The following MKKS variants were observed in gnomAD, a reference collection of about 807,000 sequenced individuals.
The protein encoded by MKKS is molecular chaperone MKKS.
MKKS carries 29 observed loss-of-function variants against 33.2 expected under a neutral mutation model. The ratio of observed to expected loss-of-function variants is 0.87; its 90% CI spans 0.65 to 1.19. The LOEUF (loss-of-function observed/expected upper bound fraction) is 1.19. MKKS is among the 50% of genes most tolerant of loss of function. The probability of loss-of-function intolerance (pLI) is 0.00; values close to 1 mark genes in which losing one functional copy is unlikely to be tolerated. For synonymous variants in MKKS, 260 were observed against 244.0 expected, an observed-to-expected ratio of 1.07 and a Z score of -0.61; for missense variants, 661 against 662.3, an observed-to-expected ratio of 1.00 and a Z score of 0.02.
chr20:10,416,264 A>G (rs561204806), intron 2 of MKKS, among the ~76,000 whole-genome samples: 2 of 152,316 alleles, frequency 1.3e-5, no homozygotes, highest in African/African-American at 2.4e-5. Flanking sequence ...GAAAATACAA[A>G]CAGGTGAAAG....
Position 10,412,887 on chromosome 20 carries a change from T to A in MKKS, c.628A>T (p.Ile210Leu). 2 of 1,614,118 alleles carry A rather than the reference T, an allele frequency of 1.2e-6. No homozygotes were observed. Among genetic ancestry groups the A allele is most frequent in the Non-Finnish European group, 8.5e-7 (1 of 1,179,978 alleles). The change falls in exon 3 of 6, where the codon ATA becomes TTA. Residue 210 changes from isoleucine to leucine, a missense_variant. By Grantham distance (5) the Ile-to-Leu change is conservative. Coordinates refer to ENST00000347364, the MANE Select transcript of MKKS (RefSeq NM_170784.3). ...LIVPLKGQRV[I>L]DSTVLPGILI... ...ATCCCAGGTAATACAGTGGAATCTA[T>A]AACTCTTTGACCTTTTAAAGGTACA...
chr20:10,427,047 C>CACACACACAG (rs1568673339), intron 1 of MKKS, among the ~76,000 whole-genome samples: 1 of 137,984 alleles, frequency 7.2e-6, no homozygotes, highest in African/African-American at 2.6e-5. Context: ...CACACACACA[C>CACACACACAG]ACACACACAC....
At position 10,412,762 on chromosome 20, in the gene MKKS, G is replaced by C. The variant is rs749615226; in HGVS notation, c.753C>G (p.Asp251Glu). 6.2e-7 allele frequency: 1 copy of C among 1,614,160 alleles called. No homozygotes were observed. The highest frequency in any genetic ancestry group is 1.7e-5 in the Admixed American group (1 of 60,016). Residue 251 changes from aspartate (D) to glutamate (E), a missense_variant, in exon 3 of 6, where the codon GAC (aspartate) becomes GAG (glutamate). Physicochemically the swap from Asp to Glu is conservative, Grantham distance 45. Transcript: ENST00000347364. ...VALFCTTLSG[D>E]TSDTGEGTVV... is the part of the protein sequence containing the mutation. Reference sequence around the variant, plus strand: ...CAGTTCCTTCTCCAGTGTCAGAAGTGTCTCCGGATAAAGTTGTACAAAAGA... The same window carrying C: ...CAGTTCCTTCTCCAGTGTCAGAAGTCTCTCCGGATAAAGTTGTACAAAAGA...
rs2064812070 is a variant in MKKS at position 10,401,533 on chromosome 20, CCTAA to C, written c.*3710_*3713del. ...CCCAAAGATTATCAGGAAGGAATAA[CCTAA>C]CTAATTGTATGTTTTGTCAAGGCCT... On this transcript the variant is annotated 3_prime_UTR_variant, in exon 6 of 6. Transcript: ENST00000347364. 1.3e-5 allele frequency: 2 copies of C among 152,194 alleles called. No homozygotes were observed. The highest frequency in any genetic ancestry group is 2.4e-5 in the African/African-American group (1 of 41,524). 9.4% of individuals were successfully genotyped at this position (152,194 alleles called of 1,614,324 possible).
intron 1 of MKKS, among the ~76,000 whole-genome samples, chr20:10,425,914 A>G (rs1320626091): frequency 6.6e-6 from 1 of 152,238 alleles, no homozygotes; most frequent in Admixed American, 6.5e-5. Flanking sequence ...TAGAGAAATC[A>G]AGAGACATGA....
In MKKS at chr20:10,420,690, C is replaced by T. The variant is rs538392883; in HGVS notation, c.-580G>A. The T allele has an allele frequency of 2.0e-5, 3 of 152,208 alleles. No homozygotes were observed. The highest frequency in any genetic ancestry group is 7.2e-5 in the African/African-American group (3 of 41,522). 9.4% of individuals were successfully genotyped at this position (152,208 alleles called of 1,614,324 possible). ...AATGTATGAGCCCAACTAAAGGGAC[C>T]ATAACAACCAAAACTTTGTAGTCTC... On this transcript the variant is annotated 5_prime_UTR_variant, in exon 2 of 6. An upstream start codon of the reference 5' UTR is lost. Coordinates refer to ENST00000347364, the MANE Select transcript of MKKS (RefSeq NM_170784.3).
In MKKS at chr20:10,413,943, T is replaced by TA. The variant is rs528193828; in HGVS notation, c.-417-13dup. 8.7e-4 allele frequency: 354 copies of TA among 404,614 alleles called. No individual in the cohort carries two copies. Among genetic ancestry groups the TA allele is most frequent in the Non-Finnish European group, 1.2e-3 (281 of 229,654 alleles). 25.1% of individuals were successfully genotyped at this position (404,614 alleles called of 1,614,324 possible). ...AGCTGCTTCTTTACCTAATAAATAATAAAAAAAACATTTTAGAGAAATACT... is the reference window on the plus strand; with the variant it reads ...AGCTGCTTCTTTACCTAATAAATAATAAAAAAAAACATTTTAGAGAAATACT... On this transcript the variant is annotated splice_polypyrimidine_tract_variant and intron_variant, in intron 2 of 5. Transcript: ENST00000347364.
rs536419714 is a variant in MKKS at position 10,408,638 on chromosome 20, T to A, written c.1151A>T (p.Asp384Val). 6.2e-7 allele frequency: 1 copy of A among 1,614,068 alleles called. No homozygotes were observed. The highest frequency in any genetic ancestry group is 1.7e-5 in the Admixed American group (1 of 60,024). ...AAGTTCATTACCTACCTTCAGCTCATCCCAGGCAGTGTCATTTCTGTTGCA... is the reference window on the plus strand; with the variant it reads ...AAGTTCATTACCTACCTTCAGCTCAACCCAGGCAGTGTCATTTCTGTTGCA... Reference protein sequence around the residue: ...LLCNRNDTAWDELKLTCQTAL... With the variant: ...LLCNRNDTAWVELKLTCQTAL... The change falls in exon 4 of 6, where the codon GAT becomes GTT. Residue 384 changes from aspartate to valine, a missense_variant. Physicochemically the swap from Asp to Val is radical, Grantham distance 152 (BLOSUM62 -3). Transcript: ENST00000347364.
At chr20:10,419,197 C>A (rs930824970) in intron 2 of MKKS, among the ~76,000 whole-genome samples, 2 of 152,048 alleles carry the variant, frequency 1.3e-5, no homozygotes, top group African/African-American at 4.8e-5. Flanking sequence ...TATAACAAAA[C>A]TTAGAGCATA....
At chr20:10,419,588 C>A (rs2064965301) in intron 2 of MKKS, among the ~76,000 whole-genome samples, 1 of 152,168 alleles carries the variant, frequency 6.6e-6, no homozygotes. Context: ...CTTGTACATA[C>A]ATACCTATGA....
At chr20:10,415,831 C>A (rs1401918404) in intron 2 of MKKS, among the ~76,000 whole-genome samples, 1 of 152,000 alleles carries the variant, frequency 6.6e-6, no homozygotes, top group Non-Finnish European at 1.5e-5. Context: ...GTAGTGAGAC[C>A]AGTACACATA....
In MKKS at chr20:10,420,680, C is replaced by G. The variant is rs186994857; in HGVS notation, c.-570G>C. On this transcript the variant is annotated 5_prime_UTR_variant, in exon 2 of 6. Transcript: ENST00000347364. ...TACCACCCCAAATGTATGAGCCCAA[C>G]TAAAGGGACCATAACAACCAAAACT... 10 of 152,252 alleles carry G rather than the reference C, an allele frequency of 6.6e-5. No individual in the cohort carries two copies. Among genetic ancestry groups the G allele is most frequent in the Non-Finnish European group, 1.2e-4 (8 of 68,026 alleles). The allele number at this position is 152,252 out of a possible 1,614,324, so 9.4% of individuals were successfully genotyped here.
intron 1 of MKKS, among the ~76,000 whole-genome samples, chr20:10,425,648 A>G (rs1042191488): frequency 1.1e-4 from 16 of 152,230 alleles, no homozygotes; most frequent in African/African-American, 3.9e-4. Flanking sequence ...ACTGTCTTGT[A>G]GAGATTCTGA....
chr20:10,422,724 T>TTG, intron 1 of MKKS, among the ~76,000 whole-genome samples: 1 of 151,948 alleles, frequency 6.6e-6, no homozygotes, highest in East Asian at 1.9e-4. Flanking sequence ...TTTTTTTTTT[T>TTG]TTTGTGAGAC....
intron 1 of MKKS, among the ~76,000 whole-genome samples, chr20:10,432,817 C>G (rs2065063784): frequency 3.2e-5 from 3 of 94,862 alleles, no homozygotes; most frequent in Non-Finnish European, 7.7e-5. Context: ...AAAAAAAAAT[C>G]GTGTAGTTTT....
At chr20:10,420,377 AACTGC>A in intron 2 of MKKS, among the ~76,000 whole-genome samples, 146 bp downstream of exon 2, 1 of 152,200 alleles carries the variant, frequency 6.6e-6, no homozygotes. Context: ...TTCTAGAAAC[AACTGC>A]AGAATAGTAT....
chr20:10,407,593 C>A, intron 5 of MKKS, 23 bp downstream of exon 5: 1 of 1,594,536 alleles, frequency 6.3e-7, no homozygotes, highest in East Asian at 2.2e-5. Flanking sequence ...TTCAGGTAAT[C>A]CGAAGAGGAT....
chr20:10,423,834 T>C (rs2122265413), intron 1 of MKKS, among the ~76,000 whole-genome samples: 1 of 152,354 alleles, frequency 6.6e-6, no homozygotes, highest in African/African-American at 2.4e-5. Context: ...AACTGAAAAC[T>C]CTATTTGCTA....
intron 1 of MKKS, among the ~76,000 whole-genome samples, chr20:10,423,746 C>CT (rs1203181486): frequency 6.6e-6 from 1 of 152,140 alleles, no homozygotes; most frequent in African/African-American, 2.4e-5. Context: ...ATTACTCTTT[C>CT]CATTAGGATA....
Sources: gnomAD v4.1 joint callset for allele counts (sites outside exome capture counted in the v4.1 genomes callset) on GRCh38, gnomAD v4.1.1 for gene constraint, MANE v1.5 for transcripts, NCBI Gene and HGNC (gene_info 2026-07-23, HGNC 2026-07-21) for gene names.